The following CERS6 variants were observed in gnomAD, a reference collection of about 807,000 sequenced individuals.
CERS6 encodes the protein ceramide synthase 6, also known as LAG1 homolog, ceramide synthase 6.
Under a neutral mutation model 56.8 loss-of-function variants are expected in CERS6, and 26 were observed. The ratio of observed to expected loss-of-function variants is 0.46; its 90% CI spans 0.34 to 0.63. The LOEUF is 0.63. Among genes scored for constraint, CERS6 ranks in the 30% least tolerant of loss-of-function variants. The pLI, the probability that CERS6 is intolerant of heterozygous loss-of-function variation, is 0.01. For synonymous variants in CERS6, 164 were observed against 173.3 expected, an observed-to-expected ratio of 0.95 and a Z score of 0.42; for missense variants, 415 against 467.5, an observed-to-expected ratio of 0.89 and a Z score of 1.04.
intron 2 of CERS6, among the ~76,000 whole-genome samples, chr2:168,550,151 C>T (rs1412982769): frequency 6.6e-6 from 1 of 152,096 alleles, no homozygotes; most frequent in Non-Finnish European, 1.5e-5. Flanking sequence ...CTCAGTCTCT[C>T]TCTACTTGTC....
At position 168,654,546 on chromosome 2, in the gene CERS6, A is replaced by AAAAAC. The variant is rs201036203; in HGVS notation, c.465+23519_465+23523dup. On this transcript the variant is annotated intron_variant, in intron 4 of 9. Transcript: ENST00000305747. ...TGACAAGAGTGAAACTCTGTCTCAAAAAAACAAAACAAAACAAAAAACCCA... is the reference window on the plus strand; with the variant it reads ...TGACAAGAGTGAAACTCTGTCTCAAAAAAACAAAACAAAACAAAACAAAAAACCCA... 1.0e-3 allele frequency among the ~76,000 whole-genome samples: 152 copies of AAAAAC among 152,306 alleles called. 5 individuals are homozygous for AAAAAC. The East Asian group carries it at 0.027, about 27-fold the overall frequency.
chr2:168,540,521 G>A (rs761965144), intron 1 of CERS6, among the ~76,000 whole-genome samples: 1 of 152,106 alleles, frequency 6.6e-6, no homozygotes, highest in Non-Finnish European at 1.5e-5. Context: ...TTGTAGCCTT[G>A]GAGCAATAGG....
intron 1 of CERS6, among the ~76,000 whole-genome samples, chr2:168,489,143 C>G (rs1035100324): frequency 6.6e-6 from 1 of 152,094 alleles, no homozygotes; most frequent in Non-Finnish European, 1.5e-5. Flanking sequence ...ATTTAGCTTT[C>G]TTTCCTGAAG....
At chr2:168,733,526 C>A (rs536098731) in intron 8 of CERS6, among the ~76,000 whole-genome samples, 1 of 152,214 alleles carries the variant, frequency 6.6e-6, no homozygotes, top group South Asian at 2.1e-4. Context: ...CTTGGCAGTA[C>A]AAAGTAATGC....
intron 4 of CERS6, among the ~76,000 whole-genome samples, chr2:168,632,392 G>A (rs555393693): frequency 1.1e-4 from 16 of 152,196 alleles, no homozygotes; most frequent in South Asian, 4.2e-4. Flanking sequence ...AATATTGTCC[G>A]CCTGTGGTGA....
intron 1 of CERS6, among the ~76,000 whole-genome samples, chr2:168,481,425 G>A (rs1292281549): frequency 6.6e-6 from 1 of 152,026 alleles, no homozygotes; most frequent in Admixed American, 6.6e-5. Context: ...AAAAAAAACG[G>A]ACAGTTACAG....
At chr2:168,525,017 G>T (rs1406922143) in intron 1 of CERS6, among the ~76,000 whole-genome samples, 1 of 152,150 alleles carries the variant, frequency 6.6e-6, no homozygotes, top group Non-Finnish European at 1.5e-5. Context: ...AAGAAAGTTT[G>T]TCTTTATTCC....
At chr2:168,523,858 G>C (rs1248856348) in intron 1 of CERS6, among the ~76,000 whole-genome samples, 1 of 152,198 alleles carries the variant, frequency 6.6e-6, no homozygotes, top group South Asian at 2.1e-4. Flanking sequence ...AGAGTAATCA[G>C]TGGGCATATC....
chr2:168,468,564 G>A (rs1693923087), intron 1 of CERS6, among the ~76,000 whole-genome samples: 2 of 152,182 alleles, frequency 1.3e-5, no homozygotes, highest in African/African-American at 2.4e-5. Context: ...GCAATGCCTA[G>A]CTCAGTGAAA....
chr2:168,473,503 A>G (rs1441251557), intron 1 of CERS6, among the ~76,000 whole-genome samples: 1 of 152,172 alleles, frequency 6.6e-6, no homozygotes, highest in African/African-American at 2.4e-5. Flanking sequence ...GTAATGACAC[A>G]ATATATAATA....
chr2:168,482,027 T>G (rs1396278318), intron 1 of CERS6, among the ~76,000 whole-genome samples: 1 of 152,234 alleles, frequency 6.6e-6, no homozygotes, highest in Non-Finnish European at 1.5e-5. Context: ...ATAAATCCAG[T>G]AAATATGAAC....
At chr2:168,466,954 A>G (rs546007013) in intron 1 of CERS6, among the ~76,000 whole-genome samples, 1 of 152,306 alleles carries the variant, frequency 6.6e-6, no homozygotes, top group East Asian at 1.9e-4. Context: ...GTCACATCTT[A>G]TCTTTGAGGT....
chr2:168,653,186 GA>G (rs1685386908), intron 4 of CERS6, among the ~76,000 whole-genome samples: 1 of 152,132 alleles, frequency 6.6e-6, no homozygotes, highest in South Asian at 2.1e-4. Context: ...TCCCTCCGAA[GA>G]AAAATAGAAT....
intron 8 of CERS6, among the ~76,000 whole-genome samples, chr2:168,736,842 C>T (rs2105421138): frequency 6.6e-6 from 1 of 152,328 alleles, no homozygotes; most frequent in East Asian, 1.9e-4. Flanking sequence ...GGCTTGCTGG[C>T]AGCATGTCAC....
chr2:168,474,033 C>T (rs1317245350), intron 1 of CERS6, among the ~76,000 whole-genome samples: 1 of 152,094 alleles, frequency 6.6e-6, no homozygotes, highest in Non-Finnish European at 1.5e-5. Context: ...ATCTGTACTC[C>T]AGCTTGATCA....
chr2:168,575,332 T>C (rs1364465660), intron 3 of CERS6, among the ~76,000 whole-genome samples: 1 of 152,116 alleles, frequency 6.6e-6, no homozygotes, highest in East Asian at 1.9e-4. Context: ...TCTCTTGGCT[T>C]GGGAGGCCTT....
intron 4 of CERS6, among the ~76,000 whole-genome samples, chr2:168,668,057 A>G (rs75469114): frequency 0.031 from 4,712 of 152,280 alleles, 83 homozygotes; most frequent in Non-Finnish European, 0.04. Context: ...TGAGGTTGAA[A>G]TCATGATAAG....
intron 8 of CERS6, among the ~76,000 whole-genome samples, chr2:168,719,597 A>G (rs550034425): frequency 1.3e-5 from 2 of 152,338 alleles, no homozygotes; most frequent in Non-Finnish European, 2.9e-5. Flanking sequence ...AATACCTTCC[A>G]GGTTCCTCTT....
intron 2 of CERS6, among the ~76,000 whole-genome samples, chr2:168,559,701 C>A (rs2105380517): frequency 1.2e-5 from 1 of 84,568 alleles, no homozygotes; most frequent in African/African-American, 3.9e-5. Context: ...GCACTGACCC[C>A]TTGAGCTGCT....
Sources: gnomAD v4.1 joint callset for allele counts (sites outside exome capture counted in the v4.1 genomes callset) on GRCh38, gnomAD v4.1.1 for gene constraint, MANE v1.5 for transcripts, NCBI Gene and HGNC (gene_info 2026-07-23, HGNC 2026-07-21) for gene names.